Variants in LHFPL6 observed in about 807,000 individuals in gnomAD.
LHFPL6 encodes the protein LHFPL tetraspan subfamily member 6.
Under a neutral mutation model 20.6 loss-of-function variants are expected in LHFPL6, and 9 were observed. The ratio of observed to expected loss-of-function variants is 0.44; its 90% confidence interval spans 0.26 to 0.76. The LOEUF is 0.76. Among genes scored for constraint, LHFPL6 ranks in the 30% least tolerant of loss-of-function variants. The pLI is 0.20. For synonymous variants in LHFPL6, 105 were observed against 98.7 expected, an observed-to-expected ratio of 1.06 and a Z score of -0.38; for missense variants, 218 against 253.5, an observed-to-expected ratio of 0.86 and a Z score of 0.95.
intron 2 of LHFPL6, among the ~76,000 whole-genome samples, chr13:39,402,100 T>A (rs1231072596): frequency 6.6e-6 from 1 of 152,174 alleles, no homozygotes; most frequent in African/African-American, 2.4e-5. Flanking sequence ...AAAAAAAGAA[T>A]GTAAAATACC....
chr13:39,411,757 C>T (rs976679393), intron 2 of LHFPL6, among the ~76,000 whole-genome samples: 1 of 152,206 alleles, frequency 6.6e-6, no homozygotes, highest in Non-Finnish European at 1.5e-5. Context: ...AACTATAGCC[C>T]TTGCCTACCT....
At chr13:39,594,896 T>C (rs573161457) in intron 2 of LHFPL6, among the ~76,000 whole-genome samples, 49 of 152,110 alleles carry the variant, frequency 3.2e-4, no homozygotes, top group Non-Finnish European at 1.2e-4. Context: ...ATGTTCTCAC[T>C]CATAGGTGGG....
At position 39,433,446 on chromosome 13, in the gene LHFPL6, C is replaced by T. The variant is rs371134007; in HGVS notation, c.386-54920G>A. ...TATAAAGTAAAGAGCATGTAACACA[C>T]ATAATCCTTTGATGATCCATCATGT... On this transcript the variant is annotated intron_variant, in intron 2 of 3. Transcript: ENST00000379589. Among the ~76,000 whole-genome samples, 189 of 152,282 alleles carry T rather than the reference C, an allele frequency of 1.2e-3. 6 individuals are homozygous for T. In the South Asian group the frequency reaches 0.038, roughly 30 times the overall value.
chr13:39,344,057 A>G lies in LHFPL6; in HGVS notation c.485-3T>C. ...GGCCCAGCCGATTTCACACTTCCCT[A>G]AGGACAAAGGAAGGGGAAAGAAGAA... On this transcript the variant is annotated splice_polypyrimidine_tract_variant and splice_region_variant and intron_variant, in intron 3 of 3. Coordinates refer to ENST00000379589, the MANE Select transcript of LHFPL6 (RefSeq NM_005780.3). 1 of 1,602,470 alleles carries G rather than the reference A, an allele frequency of 6.2e-7. No homozygotes were observed. The highest frequency in any genetic ancestry group is 8.5e-7 in the Non-Finnish European group (1 of 1,171,186).
intron 2 of LHFPL6, among the ~76,000 whole-genome samples, chr13:39,513,260 A>G (rs1232945055): frequency 6.6e-6 from 1 of 152,210 alleles, no homozygotes; most frequent in African/African-American, 2.4e-5. Context: ...ACTGAATAAG[A>G]AGGGCATGGC....
chr13:39,438,222 C>T (rs1261409990), intron 2 of LHFPL6, among the ~76,000 whole-genome samples: 2 of 152,110 alleles, frequency 1.3e-5, no homozygotes, highest in Non-Finnish European at 2.9e-5. Flanking sequence ...CTGCATTGTG[C>T]CCCTGCTCTA....
chr13:39,503,963 G>A (rs1869383032), intron 2 of LHFPL6, among the ~76,000 whole-genome samples: 2 of 152,122 alleles, frequency 1.3e-5, no homozygotes. Flanking sequence ...AAATAAGAAA[G>A]ATGATAACAT....
chr13:39,374,474 C>T (rs1202570477), intron 3 of LHFPL6, among the ~76,000 whole-genome samples: 3 of 151,932 alleles, frequency 2.0e-5, no homozygotes, highest in African/African-American at 4.8e-5. Flanking sequence ...CCCAAATCTC[C>T]GCATCAAGCA....
intron 2 of LHFPL6, among the ~76,000 whole-genome samples, chr13:39,471,724 A>C (rs1872952816): frequency 6.6e-6 from 1 of 152,226 alleles, no homozygotes; most frequent in South Asian, 2.1e-4. Context: ...ATCATTAGAG[A>C]CCAGGATGTT....
intron 2 of LHFPL6, among the ~76,000 whole-genome samples, chr13:39,481,316 C>A (rs1001445503): frequency 2.0e-5 from 3 of 152,162 alleles, no homozygotes; most frequent in Non-Finnish European, 2.9e-5. Context: ...TACGAAGCAC[C>A]TATATTCCCT....
intron 2 of LHFPL6, among the ~76,000 whole-genome samples, chr13:39,468,096 TA>T (rs1231756909): frequency 6.6e-6 from 1 of 152,180 alleles, no homozygotes; most frequent in African/African-American, 2.4e-5. Flanking sequence ...TCAATGCCAA[TA>T]AAATCTTTCT....
At chr13:39,555,361 G>A in intron 2 of LHFPL6, among the ~76,000 whole-genome samples, 1 of 144,408 alleles carries the variant, frequency 6.9e-6, no homozygotes, top group East Asian at 2.1e-4. Flanking sequence ...GTGAAATTAA[G>A]AAAGAAAATA....
At chr13:39,439,528 T>G (rs938942109) in intron 2 of LHFPL6, among the ~76,000 whole-genome samples, 10 of 152,004 alleles carry the variant, frequency 6.6e-5, no homozygotes, top group Non-Finnish European at 1.3e-4. Context: ...GACATAAGAT[T>G]TGGAGGGGTC....
At chr13:39,480,004 AT>A (rs1340581306) in intron 2 of LHFPL6, among the ~76,000 whole-genome samples, 1 of 152,170 alleles carries the variant, frequency 6.6e-6, no homozygotes, top group Non-Finnish European at 1.5e-5. Context: ...TAAAATTGGC[AT>A]TTTTCCATAT....
chr13:39,398,440 T>C (rs1428770550), intron 2 of LHFPL6, among the ~76,000 whole-genome samples: 1 of 152,204 alleles, frequency 6.6e-6, no homozygotes, highest in Non-Finnish European at 1.5e-5. Flanking sequence ...TCCAGAAACC[T>C]GTATTTCTCA....
chr13:39,414,526 G>A (rs190517124), intron 2 of LHFPL6, among the ~76,000 whole-genome samples: 2 of 152,276 alleles, frequency 1.3e-5, no homozygotes, highest in Non-Finnish European at 2.9e-5. Flanking sequence ...CTGGAGTTGA[G>A]GTAGAGCAAG....
chr13:39,364,196 TG>T (rs529252648), intron 3 of LHFPL6, among the ~76,000 whole-genome samples: 114 of 152,278 alleles, frequency 7.5e-4, no homozygotes, highest in African/African-American at 2.4e-3. Context: ...AGAGTAGAGA[TG>T]GGCCAATCAG....
At chr13:39,461,969 T>TAA (rs35740984) in intron 2 of LHFPL6, among the ~76,000 whole-genome samples, 1 of 150,688 alleles carries the variant, frequency 6.6e-6, no homozygotes, top group Non-Finnish European at 1.5e-5. Flanking sequence ...GGATTCACTT[T>TAA]AAAAAAAAAA....
At chr13:39,527,070 C>T (rs1446851998) in intron 2 of LHFPL6, among the ~76,000 whole-genome samples, 1 of 152,178 alleles carries the variant, frequency 6.6e-6, no homozygotes, top group African/African-American at 2.4e-5. Context: ...ATGACTCCGT[C>T]TCTGTAAGTG....
Sources: allele counts gnomAD v4.1 joint callset (sites outside exome capture counted in the v4.1 genomes callset), GRCh38; gene constraint gnomAD v4.1.1; transcripts MANE v1.5; gene names NCBI Gene and HGNC (gene_info 2026-07-23, HGNC 2026-07-21).